Variants in WIPF1 observed in about 807,000 individuals in gnomAD.
WIPF1 encodes the protein WAS/WASL-interacting protein family member 1.
A neutral mutation model predicts 35.4 loss-of-function variants in WIPF1; 13 were observed. The ratio of observed to expected loss-of-function variants is 0.37; its 90% CI spans 0.24 to 0.58. WIPF1 has a LOEUF of 0.58. WIPF1 is among the 20% of genes least tolerant of loss of function. The probability of loss-of-function intolerance (pLI) is 0.74; values close to 1 mark genes in which losing one functional copy is unlikely to be tolerated. For missense variants in WIPF1, 591 were observed against 667.0 expected (o/e 0.89, Z 1.25); for synonymous variants, 267 against 266.3 (o/e 1.00, Z -0.02).
intron 1 of WIPF1, among the ~76,000 whole-genome samples, chr2:174,604,274 T>C (rs562908848): frequency 5.3e-5 from 8 of 152,246 alleles, no homozygotes; most frequent in Non-Finnish European, 1.0e-4. Flanking sequence ...AGTTACCACA[T>C]AGGCAGTTGC....
intron 1 of WIPF1, among the ~76,000 whole-genome samples, chr2:174,593,480 G>A (rs1369656186): frequency 6.6e-6 from 1 of 152,066 alleles, no homozygotes; most frequent in East Asian, 1.9e-4. Context: ...CTGCTAAGAC[G>A]GTGAATTTTA....
In WIPF1 at chr2:174,562,142, C is replaced by G. The variant is rs1414409762; in HGVS notation, c.*405G>C. On this transcript the variant is annotated 3_prime_UTR_variant, in exon 8 of 8. Coordinates refer to ENST00000679041, the MANE Select transcript of WIPF1 (RefSeq NM_001375834.1). ...TTAGGTGGTCTGTGGTTCATAGAAA[C>G]AGAGAGGAGGCCAAGCATGCGAAAA... 6.4e-7 allele frequency: 1 copy of G among 1,550,492 alleles called. No homozygotes were observed. Among genetic ancestry groups the G allele is most frequent in the Non-Finnish European group, 8.7e-7 (1 of 1,146,986 alleles).
intron 1 of WIPF1, among the ~76,000 whole-genome samples, chr2:174,675,921 CTTT>C (rs11403701): frequency 8.7e-6 from 1 of 114,658 alleles, no homozygotes. Flanking sequence ...TACCCGATTT[CTTT>C]TTTTTTTTTT....
chr2:174,669,555 T>C (rs945489949), intron 1 of WIPF1, among the ~76,000 whole-genome samples: 6 of 152,218 alleles, frequency 3.9e-5, no homozygotes, highest in Admixed American at 2.6e-4. Flanking sequence ...CACAATCTAA[T>C]GGGGAGACAG....
At chr2:174,640,937 A>G (rs1004724272) in intron 1 of WIPF1, among the ~76,000 whole-genome samples, 10 of 152,236 alleles carry the variant, frequency 6.6e-5, no homozygotes, top group Non-Finnish European at 1.3e-4. Context: ...TAAAAGATCC[A>G]AAAGAGCAAA....
Position 174,559,828 on chromosome 2 carries a change from T to C in WIPF1, c.*2719A>G, listed in dbSNP as rs1043614938. 1.3e-5 allele frequency: 2 copies of C among 152,608 alleles called. No individual in the cohort carries two copies. The highest frequency in any genetic ancestry group is 1.3e-4 in the Admixed American group (2 of 15,272). 9.5% of individuals were successfully genotyped at this position (152,608 alleles called of 1,614,324 possible). On this transcript the variant is annotated 3_prime_UTR_variant, in exon 8 of 8. Coordinates refer to ENST00000679041, the MANE Select transcript of WIPF1 (RefSeq NM_001375834.1). ...TCTGCTACTAAAATAACAAAACTGG[T>C]ATTACACTTTAAAATATAAAGACCT...
At position 174,562,554 on chromosome 2, in the gene WIPF1, G is replaced by A. The variant is rs770286102; in HGVS notation, c.1505C>T (p.Pro502Leu). The change falls in exon 8 of 8, where the codon CCG (proline) becomes CTG (leucine). Residue 502 changes from proline (P) to leucine (L), a missense_variant. Physicochemically the swap from Pro to Leu is moderately conservative, Grantham distance 98 (BLOSUM62 -3). Around this residue, in one of 3 missense-constraint regions of WIPF1, gnomAD observed 117 missense variants for 149.6 expected, o/e 0.78. Coordinates refer to ENST00000679041, the MANE Select transcript of WIPF1 (RefSeq NM_001375834.1). ...ERGAPPLPPI[P>L]R ...GAGAAGAGCAGGCAAAGATCACCTC[G>A]GGATGGGAGGGAGTGGTGGAGCACC... 27 of 1,614,070 alleles carry A rather than the reference G, an allele frequency of 1.7e-5. No individual in the cohort carries two copies. Among genetic ancestry groups the A allele is most frequent in the Admixed American group, 1.3e-4 (8 of 60,008 alleles).
At chr2:174,615,207 T>TA (rs571044523) in intron 1 of WIPF1, among the ~76,000 whole-genome samples, 24 of 151,406 alleles carry the variant, frequency 1.6e-4, no homozygotes, top group Non-Finnish European at 3.2e-4. Flanking sequence ...AATTTGGGCT[T>TA]AAAAAAAAAT....
chr2:174,576,243 A>AAAAAAAAAAAAACAAAC (rs1559149036), intron 3 of WIPF1, among the ~76,000 whole-genome samples: 3 of 150,350 alleles, frequency 2.0e-5, no homozygotes, highest in African/African-American at 7.5e-5. Flanking sequence ...AAAAAAAAAA[A>AAAAAAAAAAAAACAAAC]AAAAAACACT....
chr2:174,561,498 C>A lies in WIPF1; in HGVS notation c.*1049G>T, dbSNP rs1293249262. ...AGCCCAGAAGTCCCGACAGGCTTTC[C>A]ATTTGTTTCCAATGGCTTTATTCCA... is the stretch of plus-strand genomic sequence containing the variant. On this transcript the variant is annotated 3_prime_UTR_variant, in exon 8 of 8. Coordinates refer to ENST00000679041, the MANE Select transcript of WIPF1 (RefSeq NM_001375834.1). 1 of 152,414 alleles carries A rather than the reference C, an allele frequency of 6.6e-6. No homozygotes were observed. The highest frequency in any genetic ancestry group is 2.4e-5 in the African/African-American group (1 of 41,470). 9.4% of individuals were successfully genotyped at this position (152,414 alleles called of 1,614,324 possible).
At position 174,561,795 on chromosome 2, in the gene WIPF1, A is replaced by C; in HGVS notation, c.*752T>G. The C allele has an allele frequency of 3.2e-6, 1 of 316,322 alleles. No individual in the cohort carries two copies. The highest frequency in any genetic ancestry group is 5.9e-6 in the Non-Finnish European group (1 of 168,762). The allele number at this position is 316,322 out of a possible 1,614,324, so 19.6% of individuals were successfully genotyped here. On this transcript the variant is annotated 3_prime_UTR_variant, in exon 8 of 8. Coordinates refer to ENST00000679041, the MANE Select transcript of WIPF1 (RefSeq NM_001375834.1). ...GTCTAATCCAGTAGCCACCAGCCAC[A>C]TGTGGCTACTGAGCACTTAAAAATG...
At chr2:174,603,754 C>T (rs1686076001) in intron 1 of WIPF1, among the ~76,000 whole-genome samples, 1 of 152,048 alleles carries the variant, frequency 6.6e-6, no homozygotes, top group Non-Finnish European at 1.5e-5. Context: ...AATTTGGAGA[C>T]TTGCAGGTTG....
intron 3 of WIPF1, among the ~76,000 whole-genome samples, chr2:174,576,405 T>C (rs952459865): frequency 2.6e-5 from 4 of 152,190 alleles, no homozygotes. Flanking sequence ...TCATACTCTT[T>C]GAAAACATGA....
chr2:174,577,009 T>C (rs1340611130), intron 3 of WIPF1, among the ~76,000 whole-genome samples: 5 of 152,216 alleles, frequency 3.3e-5, no homozygotes, highest in African/African-American at 1.2e-4. Flanking sequence ...GTGGTATATT[T>C]TCCCATTTAT....
At chr2:174,634,999 C>G (rs1687142855) in intron 1 of WIPF1, among the ~76,000 whole-genome samples, 1 of 152,018 alleles carries the variant, frequency 6.6e-6, no homozygotes, top group Non-Finnish European at 1.5e-5. Context: ...GAGGAAGGGC[C>G]CTCGACAGTG....
intron 1 of WIPF1, among the ~76,000 whole-genome samples, chr2:174,602,877 A>C (rs112456021): frequency 0.013 from 2,052 of 152,296 alleles, 52 homozygotes; most frequent in African/African-American, 0.047. Flanking sequence ...GTTTGTATGG[A>C]GAATCATCCC....
chr2:174,662,376 C>G (rs1424891583), intron 1 of WIPF1, among the ~76,000 whole-genome samples: 1 of 152,136 alleles, frequency 6.6e-6, no homozygotes, highest in African/African-American at 2.4e-5. Flanking sequence ...ATCGGTGAGG[C>G]CTGAATTCGT....
At chr2:174,574,643 G>T in intron 4 of WIPF1, 1 of 457,844 alleles carries the variant, frequency 2.2e-6, no homozygotes, top group Non-Finnish European at 3.9e-6. Context: ...TCTACCATCA[G>T]GTTCATAGAC....
chr2:174,628,948 G>A (rs1208952291), intron 1 of WIPF1, among the ~76,000 whole-genome samples: 1 of 152,168 alleles, frequency 6.6e-6, no homozygotes, highest in Non-Finnish European at 1.5e-5. Context: ...AACTTTTCCT[G>A]AGGCCAGATG....
Sources: gnomAD v4.1 joint callset for allele counts (sites outside exome capture counted in the v4.1 genomes callset) on GRCh38, gnomAD v4.1.1 for gene constraint, gnomAD v4.1.1 regional missense constraint, MANE v1.5 for transcripts, NCBI Gene and HGNC (gene_info 2026-07-23, HGNC 2026-07-21) for gene names.